Variants in SUPT16H observed in about 807,000 individuals in gnomAD.
SUPT16H encodes FACT complex subunit SPT16.
A neutral mutation model predicts 136.2 loss-of-function variants in SUPT16H; 24 were observed. The observed-to-expected ratio is 0.18, with a 90% CI of 0.13 to 0.25. The LOEUF (loss-of-function observed/expected upper bound fraction) is 0.25. Among genes scored for constraint, SUPT16H ranks in the 10% least tolerant of loss-of-function variants. The pLI is 1.00. For missense variants in SUPT16H, 623 were observed against 1,270.2 expected (o/e 0.49, Z 7.74); for synonymous variants, 415 against 428.2 (o/e 0.97, Z 0.38).
At chr14:21,355,346 A>T (rs1195712360) in intron 22 of SUPT16H, among the ~76,000 whole-genome samples, 2 of 152,042 alleles carry the variant, frequency 1.3e-5, no homozygotes, top group Non-Finnish European at 1.5e-5. Flanking sequence ...ACAAAAAATT[A>T]GCCAGGCATG....
chr14:21,353,628 T>C (rs1358175497), intron 24 of SUPT16H, 63 bp from the exon 25 acceptor site: 2 of 1,604,210 alleles, frequency 1.2e-6, no homozygotes, highest in African/African-American at 1.3e-5. Context: ...ACAGAGTTCT[T>C]AGTCTAAAAA....
At chr14:21,368,185 G>A (rs1886711445) in intron 7 of SUPT16H, 84 bp downstream of exon 7, 1 of 1,413,238 alleles carries the variant, frequency 7.1e-7, no homozygotes, top group African/African-American at 1.4e-5. Context: ...TCCCAGTGTA[G>A]GGATTACAGG....
intron 6 of SUPT16H, 111 bp from the exon 7 acceptor site, chr14:21,368,552 C>G (rs1264405896): frequency 8.2e-7 from 1 of 1,224,678 alleles, no homozygotes; most frequent in Non-Finnish European, 1.1e-6. Context: ...TATCCCAAAG[C>G]TGTGGCTGAA....
chr14:21,373,799 C>G (rs1886838811), intron 1 of SUPT16H, among the ~76,000 whole-genome samples: 1 of 152,168 alleles, frequency 6.6e-6, no homozygotes, highest in African/African-American at 2.4e-5. Flanking sequence ...GCAATCTCGG[C>G]TCACTGCAAC....
intron 1 of SUPT16H, among the ~76,000 whole-genome samples, chr14:21,376,072 C>A (rs915935360): frequency 1.3e-5 from 2 of 152,182 alleles, no homozygotes; most frequent in Admixed American, 6.5e-5. Flanking sequence ...CAACTTCATT[C>A]TTTTACATTG....
chr14:21,369,501 A>G, intron 5 of SUPT16H, 146 bp from the exon 6 acceptor site: 1 of 1,121,338 alleles, frequency 8.9e-7, no homozygotes, highest in Non-Finnish European at 1.3e-6. Flanking sequence ...GTATGCAGGC[A>G]AAACACATTT....
At chr14:21,376,335 T>C (rs1256382418) in intron 1 of SUPT16H, among the ~76,000 whole-genome samples, 2 of 152,186 alleles carry the variant, frequency 1.3e-5, no homozygotes, top group African/African-American at 2.4e-5. Context: ...AATAGCTCTA[T>C]AAAGCCAAAA....
intron 6 of SUPT16H, 71 bp from the exon 7 acceptor site, chr14:21,368,512 G>C: frequency 1.4e-6 from 2 of 1,453,974 alleles, no homozygotes; most frequent in East Asian, 4.9e-5. Context: ...AATGGGACAC[G>C]GTATCAATAA....
chr14:21,358,392 G>C lies in SUPT16H; in HGVS notation c.2337C>G (p.Ala779=). The change falls in exon 20 of 26, where the codon GCC becomes GCG. Residue 779 remains alanine (A), a synonymous_variant. Coordinates refer to ENST00000216297, the MANE Select transcript of SUPT16H (RefSeq NM_007192.4). Reference sequence around the variant, plus strand: ...CTACTTTCTCAATGAAATTTTTAAAGGCTGTTTTCAGTTTGTGCCTCATTT... The same window carrying C: ...CTACTTTCTCAATGAAATTTTTAAACGCTGTTTTCAGTTTGTGCCTCATTT... ...EREMRHKLKT[A]FKNFIEKVEA... is the part of the protein sequence containing the mutation. The C allele has an allele frequency of 6.2e-7, 1 of 1,613,650 alleles. No homozygotes were observed. The highest frequency in any genetic ancestry group is 1.3e-5 in the African/African-American group (1 of 75,016).
At chr14:21,380,790 T>C (rs963508865) in intron 1 of SUPT16H, among the ~76,000 whole-genome samples, 3 of 152,120 alleles carry the variant, frequency 2.0e-5, no homozygotes, top group Admixed American at 6.6e-5. Context: ...CAGATATGCC[T>C]GGATATTGTA....
intron 21 of SUPT16H, 26 bp from the exon 22 acceptor site, chr14:21,357,392 G>A (rs1886457128): frequency 6.5e-7 from 1 of 1,534,048 alleles, no homozygotes; most frequent in Non-Finnish European, 8.8e-7. Context: ...TGAATCATTA[G>A]CATATAAGTA....
intron 8 of SUPT16H, among the ~76,000 whole-genome samples, chr14:21,365,927 A>T (rs1886656779): frequency 6.6e-6 from 1 of 152,002 alleles, no homozygotes; most frequent in South Asian, 2.1e-4. Flanking sequence ...ACATAGCGAG[A>T]CCCTGTTTCT....
At chr14:21,362,101 A>G in intron 15 of SUPT16H, 96 bp downstream of exon 15, 1 of 1,428,276 alleles carries the variant, frequency 7.0e-7, no homozygotes, top group Non-Finnish European at 9.4e-7. Flanking sequence ...TTTGACATTT[A>G]CTAGGTAGGG....
intron 7 of SUPT16H, 88 bp from the exon 8 acceptor site, chr14:21,366,617 A>G: frequency 7.9e-7 from 1 of 1,270,990 alleles, no homozygotes; most frequent in Non-Finnish European, 1.1e-6. Context: ...TGTCCCCTAA[A>G]GCAGTGTTTC....
At chr14:21,375,146 G>A (rs1226089830) in intron 1 of SUPT16H, among the ~76,000 whole-genome samples, 6 of 151,690 alleles carry the variant, frequency 4.0e-5, no homozygotes, top group South Asian at 2.1e-4. Flanking sequence ...CCCAAGTAGC[G>A]GGACTTCAGG....
chr14:21,354,286 C>G (rs879194484), intron 23 of SUPT16H, 125 bp downstream of exon 23: 33 of 1,094,368 alleles, frequency 3.0e-5, no homozygotes, highest in African/African-American at 3.2e-5. Context: ...ACAATAATAT[C>G]AAGTGGTGTT....
chr14:21,374,568 T>C (rs1190303751), intron 1 of SUPT16H, among the ~76,000 whole-genome samples: 2 of 152,234 alleles, frequency 1.3e-5, no homozygotes, highest in Admixed American at 6.5e-5. Context: ...GGACAATTCA[T>C]ATACATGGAA....
chr14:21,359,458 C>G, intron 19 of SUPT16H, 26 bp downstream of exon 19: 1 of 1,609,506 alleles, frequency 6.2e-7, no homozygotes, highest in Non-Finnish European at 8.5e-7. Context: ...CACTATCCTG[C>G]AAATACAATA....
intron 10 of SUPT16H, 74 bp from the exon 11 acceptor site, chr14:21,363,577 G>A (rs1268553997): frequency 2.3e-6 from 3 of 1,331,276 alleles, no homozygotes; most frequent in Admixed American, 3.9e-5. Context: ...TAAACGGCTG[G>A]GCAATGCTTT....
Sources: gnomAD v4.1 joint callset for allele counts (sites outside exome capture counted in the v4.1 genomes callset) on GRCh38, gnomAD v4.1.1 for gene constraint, MANE v1.5 for transcripts, NCBI Gene and HGNC (gene_info 2026-07-23, HGNC 2026-07-21) for gene names.